The following PCLO variants were observed in gnomAD, a reference collection of about 807,000 sequenced individuals.
PCLO encodes protein piccolo.
Under a neutral mutation model 427.5 loss-of-function variants are expected in PCLO, and 82 were observed. The observed-to-expected ratio is 0.19, with a 90% CI of 0.16 to 0.23. The LOEUF (loss-of-function observed/expected upper bound fraction) is 0.23. Ranked by LOEUF, PCLO falls within the 10% of genes least tolerant of loss-of-function variation. PCLO has a pLI of 1.00. For missense variants in PCLO, 6,239 were observed against 6,115.9 expected, an observed-to-expected ratio of 1.02 and a Z score of -0.67; for synonymous variants, 2,357 against 2,155.4, an observed-to-expected ratio of 1.09 and a Z score of -2.59.
chr7:83,089,432 C>G (rs1329871661), intron 3 of PCLO, among the ~76,000 whole-genome samples: 1 of 152,006 alleles, frequency 6.6e-6, no homozygotes, highest in Non-Finnish European at 1.5e-5. Context: ...CCCCCCTGAC[C>G]AAAATGCTCA....
rs1788853560 is a variant in PCLO at position 83,038,025 on chromosome 7, ATATATTTATATATT to A, written c.3301-71552_3301-71539del. Among the ~76,000 whole-genome samples, 39 of 49,086 alleles carry A rather than the reference ATATATTTATATATT, an allele frequency of 7.9e-4. 5 individuals carry two copies. Among genetic ancestry groups the A allele is most frequent in the Non-Finnish European group, 1.0e-3 (33 of 31,436 alleles). The allele number at this position is 49,086 out of a possible 152,430, so 32.2% of individuals were successfully genotyped here. On this transcript the variant is annotated intron_variant, in intron 3 of 24. Transcript: ENST00000333891. ...TATATATATATATATATATATATAT[ATATATTTATATATT>A]TATATATATATCTTTATATATATAT... is the stretch of plus-strand genomic sequence containing the variant.
At chr7:83,140,068 C>T (rs920734546) in intron 2 of PCLO, among the ~76,000 whole-genome samples, 3 of 152,126 alleles carry the variant, frequency 2.0e-5, no homozygotes, top group African/African-American at 4.8e-5. Flanking sequence ...CGTCACAAAC[C>T]ATCTTTACTG....
chr7:82,811,643 T>A (rs1791574383), intron 20 of PCLO, among the ~76,000 whole-genome samples: 1 of 151,462 alleles, frequency 6.6e-6, no homozygotes, highest in African/African-American at 2.4e-5. Flanking sequence ...TAAAAGTAAT[T>A]TAGAAGTTTA....
intron 3 of PCLO, among the ~76,000 whole-genome samples, chr7:83,059,202 AT>A (rs1789476358): frequency 6.7e-6 from 1 of 149,602 alleles, no homozygotes; most frequent in Non-Finnish European, 1.5e-5. Flanking sequence ...TCTAAGTTAA[AT>A]TTTCTTAGCA....
rs569250509 is a variant in PCLO at position 83,118,154 on chromosome 7, C to A, written c.3300+16096G>T. ...CCTTTCAGCTCGCACTATAACAAAA[C>A]AAAAGATTTATAGAGTTTTAATTTG... On this transcript the variant is annotated intron_variant, in intron 3 of 24. Coordinates refer to ENST00000333891, the MANE Select transcript of PCLO (RefSeq NM_033026.6). 2.0e-5 allele frequency among the ~76,000 whole-genome samples: 3 copies of A among 152,048 alleles called. No individual in the cohort carries two copies. In the South Asian group the frequency reaches 6.2e-4, roughly 32 times the overall value.
chr7:82,999,603 T>C (rs1407850563), intron 3 of PCLO, among the ~76,000 whole-genome samples: 1 of 45,090 alleles, frequency 2.2e-5, no homozygotes, highest in Non-Finnish European at 3.2e-5. Flanking sequence ...AAATATAATA[T>C]TATATATAAA....
At chr7:83,138,217 T>C (rs1425554673) in intron 2 of PCLO, among the ~76,000 whole-genome samples, 3 of 152,248 alleles carry the variant, frequency 2.0e-5, no homozygotes, top group Non-Finnish European at 2.9e-5. Flanking sequence ...GTTTAAATTA[T>C]AAATTTCCAG....
intron 10 of PCLO, among the ~76,000 whole-genome samples, chr7:82,866,653 TATAC>T (rs1200841734): frequency 1.3e-4 from 13 of 97,378 alleles, no homozygotes; most frequent in Admixed American, 2.7e-4. Flanking sequence ...AATGAAATTT[TATAC>T]ACACACACAC....
chr7:83,093,492 A>ATTTTTTTTTTTTT (rs1169852004), intron 3 of PCLO, among the ~76,000 whole-genome samples: 5 of 59,320 alleles, frequency 8.4e-5, no homozygotes, highest in Non-Finnish European at 9.8e-5. Flanking sequence ...ATATATATAT[A>ATTTTTTTTTTTTT]TTTTTTTTTT....
chr7:82,765,629 C>G (rs1246297020), intron 22 of PCLO, among the ~76,000 whole-genome samples: 1 of 151,940 alleles, frequency 6.6e-6, no homozygotes, highest in East Asian at 1.9e-4. Flanking sequence ...TGAATATACC[C>G]TAATACTAAT....
intron 3 of PCLO, among the ~76,000 whole-genome samples, chr7:83,112,305 C>T (rs1306134716): frequency 6.6e-6 from 1 of 152,166 alleles, no homozygotes; most frequent in Admixed American, 6.5e-5. Flanking sequence ...ATCCGCCCAC[C>T]TCAGTCTCCC....
chr7:82,844,831 T>C (rs1792457731), intron 13 of PCLO, among the ~76,000 whole-genome samples: 1 of 152,194 alleles, frequency 6.6e-6, no homozygotes, highest in Non-Finnish European at 1.5e-5. Context: ...AAAGTAGTGA[T>C]AACATGTTAC....
chr7:82,921,503 C>T (rs946385314), intron 6 of PCLO, among the ~76,000 whole-genome samples: 5 of 151,972 alleles, frequency 3.3e-5, no homozygotes, highest in African/African-American at 1.2e-4. Flanking sequence ...GAAGTGACTC[C>T]TTATTCAACA....
At chr7:83,111,137 A>G (rs117855616) in intron 3 of PCLO, among the ~76,000 whole-genome samples, 1 of 152,208 alleles carries the variant, frequency 6.6e-6, no homozygotes, top group Non-Finnish European at 1.5e-5. Context: ...ATACTTATGT[A>G]TGCATGTCCT....
intron 2 of PCLO, among the ~76,000 whole-genome samples, chr7:83,143,064 T>C (rs1167974688): frequency 1.3e-5 from 2 of 152,244 alleles, no homozygotes; most frequent in Admixed American, 6.5e-5. Context: ...TTTTCTCCTA[T>C]TTCTCATCAT....
At chr7:82,800,754 A>C (rs1251300322) in intron 22 of PCLO, among the ~76,000 whole-genome samples, 2 of 151,760 alleles carry the variant, frequency 1.3e-5, no homozygotes, top group African/African-American at 4.8e-5. Flanking sequence ...TGCCACCACG[A>C]CTGTCTAATT....
chr7:82,766,395 A>G (rs1370972604), intron 22 of PCLO, among the ~76,000 whole-genome samples: 1 of 152,084 alleles, frequency 6.6e-6, no homozygotes, highest in Non-Finnish European at 1.5e-5. Context: ...TAAAAGAGGT[A>G]GCAAAAAACC....
At chr7:83,038,011 A>ATT (rs1280513455) in intron 3 of PCLO, among the ~76,000 whole-genome samples, 5 of 44,974 alleles carry the variant, frequency 1.1e-4, no homozygotes, top group Admixed American at 3.8e-4. Context: ...ATATATATAT[A>ATT]TATATATATA....
At chr7:83,044,104 G>A (rs12707539) in intron 3 of PCLO, among the ~76,000 whole-genome samples, 21,573 of 151,874 alleles carry the variant, frequency 0.14, 1,743 homozygotes, top group African/African-American at 0.2. Flanking sequence ...GGAAAGTGAA[G>A]GAGAAGCAGG....
Sources: allele counts gnomAD v4.1 joint callset (sites outside exome capture counted in the v4.1 genomes callset), GRCh38; gene constraint gnomAD v4.1.1; transcripts MANE v1.5; gene names NCBI Gene and HGNC (gene_info 2026-07-23, HGNC 2026-07-21).